DTX4: variants seen among roughly 807,000 people sequenced by gnomAD.
DTX4 encodes the protein E3 ubiquitin-protein ligase DTX4.
DTX4 carries 28 observed loss-of-function variants against 57.6 expected under a neutral mutation model. That is an observed-to-expected ratio of 0.49 (90% CI 0.36 to 0.67). The LOEUF (loss-of-function observed/expected upper bound fraction) is 0.67. Among genes scored for constraint, DTX4 ranks in the 30% least tolerant of loss-of-function variants. The probability of loss-of-function intolerance (pLI) is 0.00; values close to 1 mark genes in which losing one functional copy is unlikely to be tolerated. For synonymous variants in DTX4, 316 were observed against 331.0 expected (o/e 0.95, Z 0.49); for missense variants, 715 against 836.8 (o/e 0.85, Z 1.80).
At chr11:59,198,582 G>C (rs1369495130) in intron 7 of DTX4, among the ~76,000 whole-genome samples, 1 of 152,042 alleles carries the variant, frequency 6.6e-6, no homozygotes. Context: ...TATCATTTTG[G>C]AACCATGGTC....
chr11:59,174,902 T>G lies in DTX4; in HGVS notation c.211+2096T>G, dbSNP rs991995403. On this transcript the variant is annotated intron_variant, in intron 1 of 8. Transcript: ENST00000227451. ...AGACTGCTGTGGTTTCATCCGCTCA[T>G]TGCTAGAGTCAGTCAGCCATCCTGA... Among the ~76,000 whole-genome samples the G allele has an allele frequency of 2.0e-5, 3 of 152,196 alleles. No homozygotes were observed. The South Asian group carries it at 6.2e-4, about 32-fold the overall frequency.
At position 59,192,124 on chromosome 11, in the gene DTX4, C is replaced by T; in HGVS notation, c.1248C>T (p.Leu416=). The T allele has an allele frequency of 1.2e-6, 2 of 1,613,720 alleles. No individual in the cohort carries two copies. The highest frequency in any genetic ancestry group is 1.7e-6 in the Non-Finnish European group (2 of 1,179,888). ...DEDCTICMER[L]TAPSGYKGPQ... ...ACTGCACCATCTGTATGGAACGCCTCACGGCCCCCTCAGGCTACAAGGGCC... is the reference window on the plus strand; with the variant it reads ...ACTGCACCATCTGTATGGAACGCCTTACGGCCCCCTCAGGCTACAAGGGCC... Residue 416 remains leucine, a synonymous_variant, in exon 6 of 9, where the codon CTC becomes CTT. Transcript: ENST00000227451.
intron 1 of DTX4, among the ~76,000 whole-genome samples, chr11:59,178,487 T>C (rs1862421952): frequency 1.3e-5 from 2 of 152,216 alleles, no homozygotes; most frequent in South Asian, 4.1e-4. Flanking sequence ...CCATAGCAGT[T>C]AATGAGTGCT....
At chr11:59,204,576 G>A in intron 8 of DTX4, 100 bp from the exon 9 acceptor site, 1 of 1,120,580 alleles carries the variant, frequency 8.9e-7, no homozygotes, top group East Asian at 2.6e-5. Context: ...TCATGATGCA[G>A]GAAGGGATGG....
At chr11:59,175,891 C>T (rs957826785) in intron 1 of DTX4, among the ~76,000 whole-genome samples, 2 of 143,946 alleles carry the variant, frequency 1.4e-5, no homozygotes, top group East Asian at 4.0e-4. Context: ...ATGGTCAGGC[C>T]TCATTTTTTT....
At chr11:59,203,999 A>C (rs1164508088) in intron 8 of DTX4, among the ~76,000 whole-genome samples, 1 of 152,130 alleles carries the variant, frequency 6.6e-6, no homozygotes, top group Non-Finnish European at 1.5e-5. Flanking sequence ...TTCATGCTGG[A>C]CACTACTCTG....
intron 2 of DTX4, among the ~76,000 whole-genome samples, chr11:59,188,261 G>T (rs1368776123): frequency 6.6e-6 from 1 of 152,126 alleles, no homozygotes; most frequent in Admixed American, 6.5e-5. Flanking sequence ...TGGGATGGAG[G>T]GGTGGGTAGC....
chr11:59,176,576 G>A (rs893769296), intron 1 of DTX4, among the ~76,000 whole-genome samples: 2 of 152,186 alleles, frequency 1.3e-5, no homozygotes, highest in Admixed American at 1.3e-4. Context: ...TGGTGGGCGT[G>A]GGGGATGCTG....
chr11:59,176,747 A>C (rs941586065), intron 1 of DTX4, among the ~76,000 whole-genome samples: 10 of 152,236 alleles, frequency 6.6e-5, no homozygotes, highest in African/African-American at 2.4e-4. Context: ...TTTGTAACGC[A>C]GGTGGAAAAT....
chr11:59,175,303 G>C lies in DTX4; in HGVS notation c.211+2497G>C, dbSNP rs1862381544. ...GAGGCGATTCCTCTCCTTTTTTGTT[G>C]CCTCCTCTGTATGGGGACATTTCCT... On this transcript the variant is annotated intron_variant, in intron 1 of 8. Transcript: ENST00000227451. 3.9e-5 allele frequency among the ~76,000 whole-genome samples: 6 copies of C among 152,118 alleles called. No homozygotes were observed. The South Asian group carries it at 1.2e-3, about 31-fold the overall frequency.
chr11:59,194,703 G>A lies in DTX4; in HGVS notation c.1375-505G>A, dbSNP rs539852973. ...GTCAGATGGCAGAGCTAAGAATTAC[G>A]TCTAGGCAGTCTGATTTTCACATTC... On this transcript the variant is annotated intron_variant, in intron 6 of 8. Transcript: ENST00000227451. 1.3e-4 allele frequency among the ~76,000 whole-genome samples: 20 copies of A among 152,330 alleles called. 1 individual carries two copies. The highest frequency in any genetic ancestry group is 6.8e-3 in the Middle Eastern group (2 of 294).
At chr11:59,194,069 G>A (rs542438404) in intron 6 of DTX4, among the ~76,000 whole-genome samples, 2 of 152,156 alleles carry the variant, frequency 1.3e-5, no homozygotes, top group South Asian at 2.1e-4. Context: ...CAGTGAAACC[G>A]TCACCCTGTA....
Position 59,205,314 on chromosome 11 carries a change from A to C in DTX4, c.*405A>C. On this transcript the variant is annotated 3_prime_UTR_variant, in exon 9 of 9. Coordinates refer to ENST00000227451, the MANE Select transcript of DTX4 (RefSeq NM_015177.2). ...CCTCAGCCGGCTTCTTGCTACTTCC[A>C]CTCTGCTTTGAGACTGGAGTTTCTG... The C allele has an allele frequency of 1.6e-5, 3 of 192,004 alleles. No homozygotes were observed. The highest frequency in any genetic ancestry group is 1.2e-4 in the East Asian group (1 of 8,326). 11.9% of individuals were successfully genotyped at this position (192,004 alleles called of 1,614,324 possible). A position where few individuals can be genotyped will look rare whatever the true frequency, so the allele number is the denominator to read the frequency against.
chr11:59,182,309 A>G lies in DTX4; in HGVS notation c.782A>G (p.Gln261Arg). ...KTAPSQVIRR[Q>R]ASSMPTGTTM... ...GCCCCATCGCAGGTGATCCGGAGAC[A>G]AGCCTCCAGCATGCCCACTGGGACA... The change falls in exon 2 of 9, where the codon CAA becomes CGA. Residue 261 changes from glutamine to arginine, a missense_variant. Physicochemically the swap from Gln to Arg is conservative, Grantham distance 43 (BLOSUM62 1). Transcript: ENST00000227451. The G allele has an allele frequency of 1.9e-6, 3 of 1,612,534 alleles. No homozygotes were observed. In the South Asian group the frequency reaches 3.3e-5, roughly 18 times the overall value.
intron 6 of DTX4, chr11:59,194,890 G>A (rs190151609): frequency 1.1e-3 from 382 of 354,972 alleles, no homozygotes; most frequent in African/African-American, 7.5e-3. Context: ...CCACCCATTT[G>A]GTACTGAGTG....
Position 59,194,369 on chromosome 11 carries a change from T to C in DTX4, c.1375-839T>C, listed in dbSNP as rs930790063. On this transcript the variant is annotated intron_variant, in intron 6 of 8. Transcript: ENST00000227451. ...GTATTTGTGCAGACCTTACACTCTA[T>C]CCTTCTAAGCAAATTCATAGCTATT... Among the ~76,000 whole-genome samples the C allele has an allele frequency of 2.6e-5, 4 of 152,212 alleles. 1 individual carries two copies. The highest frequency in any genetic ancestry group is 2.6e-4 in the Admixed American group (4 of 15,282).
At position 59,206,508 on chromosome 11, in the gene DTX4, CGTAT is replaced by C. The variant is rs1459631638; in HGVS notation, c.*1600_*1603del. ...TATACCTCATGTTTTGGGGGTTTGA[CGTAT>C]ATATATATATATATATATGCATATA... is the stretch of plus-strand genomic sequence containing the variant. On this transcript the variant is annotated 3_prime_UTR_variant, in exon 9 of 9. Transcript: ENST00000227451. 3 of 75,670 alleles carry C rather than the reference CGTAT, an allele frequency of 4.0e-5. No homozygotes were observed. Among genetic ancestry groups the C allele is most frequent in the South Asian group, 4.2e-4 (1 of 2,360 alleles). The allele number at this position is 75,670 out of a possible 1,614,324, so 4.7% of individuals were successfully genotyped here. A position where few individuals can be genotyped will look rare whatever the true frequency, so the allele number is the denominator to read the frequency against.
intron 1 of DTX4, among the ~76,000 whole-genome samples, chr11:59,173,794 G>T (rs1277138064): frequency 6.6e-6 from 1 of 152,086 alleles, no homozygotes; most frequent in African/African-American, 2.4e-5. Flanking sequence ...GGGAGTGGGG[G>T]TGCTGCCCAA....
intron 2 of DTX4, among the ~76,000 whole-genome samples, chr11:59,186,970 C>A (rs1862536587): frequency 6.6e-6 from 1 of 152,230 alleles, no homozygotes; most frequent in African/African-American, 2.4e-5. Flanking sequence ...TCACATCCAT[C>A]TCCCAGCATT....
Sources: allele counts gnomAD v4.1 joint callset (sites outside exome capture counted in the v4.1 genomes callset), GRCh38; gene constraint gnomAD v4.1.1; transcripts MANE v1.5; gene names NCBI Gene and HGNC (gene_info 2026-07-23, HGNC 2026-07-21).